Variants in RBFOX1 observed in about 807,000 individuals in gnomAD.
RBFOX1 encodes RNA binding fox-1 homolog 1.
In RBFOX1, 8 loss-of-function variants were observed where a neutral mutation model predicts 57.7. That is an observed-to-expected ratio of 0.14 (90% confidence interval 0.08 to 0.25). RBFOX1 has a LOEUF of 0.25. Among genes scored for constraint, RBFOX1 ranks in the 10% least tolerant of loss-of-function variants. The pLI, the probability that RBFOX1 is intolerant of heterozygous loss-of-function variation, is 1.00. For synonymous variants in RBFOX1, 326 were observed against 222.4 expected (o/e 1.47, Z -4.15); for missense variants, 611 against 548.5 (o/e 1.11, Z -1.14).
intron 3 of RBFOX1, among the ~76,000 whole-genome samples, chr16:6,809,039 G>C (rs115718054): frequency 0.013 from 2,028 of 152,230 alleles, 52 homozygotes; most frequent in African/African-American, 0.046. Context: ...TGTAACAATA[G>C]TTGAGTCTTG....
chr16:5,372,559 C>T (rs1050798326), intron 1 of RBFOX1, among the ~76,000 whole-genome samples: 7 of 152,146 alleles, frequency 4.6e-5, no homozygotes, highest in East Asian at 3.9e-4. Flanking sequence ...CTGCTGGGAA[C>T]GGGGGTGGTT....
chr16:6,015,598 G>C (rs948587694), upstream of RBFOX1, among the ~76,000 whole-genome samples: 1 of 152,122 alleles, frequency 6.6e-6, no homozygotes, highest in Admixed American at 6.6e-5. Flanking sequence ...ACTTCAACAG[G>C]ACTCTATTTA....
intron 4 of RBFOX1, chr16:7,510,153 T>G: frequency 1.0e-6 from 1 of 985,804 alleles, no homozygotes; most frequent in Non-Finnish European, 1.2e-6. Flanking sequence ...CCAGGCGGCC[T>G]CAGCCCCCCA....
intron 4 of RBFOX1, among the ~76,000 whole-genome samples, chr16:6,004,735 A>C (rs1324259997): frequency 2.0e-5 from 3 of 152,188 alleles, no homozygotes; most frequent in Non-Finnish European, 4.4e-5. Context: ...ACTCGGCCCT[A>C]AGATTGTTCT....
chr16:6,065,219 G>C (rs2095745300), intron 1 of RBFOX1, among the ~76,000 whole-genome samples: 1 of 141,590 alleles, frequency 7.1e-6, no homozygotes, highest in Non-Finnish European at 1.5e-5. Context: ...TTTTTCTGTA[G>C]AGACAGGATC....
At chr16:6,877,408 C>T (rs1466942639) in intron 3 of RBFOX1, among the ~76,000 whole-genome samples, 1 of 152,094 alleles carries the variant, frequency 6.6e-6, no homozygotes, top group African/African-American at 2.4e-5. Context: ...CCAATATGGA[C>T]TGCATTATTA....
At chr16:6,284,931 C>T (rs886650349) in intron 1 of RBFOX1, among the ~76,000 whole-genome samples, 1 of 152,094 alleles carries the variant, frequency 6.6e-6, no homozygotes, top group Non-Finnish European at 1.5e-5. Flanking sequence ...AAATGGCTGG[C>T]ATGTTTCTTA....
At chr16:5,522,403 A>G (rs28418637) in intron 2 of RBFOX1, among the ~76,000 whole-genome samples, 39,678 of 152,166 alleles carry the variant, frequency 0.26, 6,726 homozygotes, top group East Asian at 0.86. Context: ...AGGAAGCCAC[A>G]TTTTTTAACT....
intron 1 of RBFOX1, among the ~76,000 whole-genome samples, chr16:6,245,302 C>T (rs780796986): frequency 6.6e-6 from 1 of 152,076 alleles, no homozygotes; most frequent in Non-Finnish European, 1.5e-5. Context: ...TTAATGAAAT[C>T]TGGCCCTGAA....
At chr16:5,681,776 C>G (rs545624206) in intron 3 of RBFOX1, among the ~76,000 whole-genome samples, 41 of 152,158 alleles carry the variant, frequency 2.7e-4, no homozygotes, top group Non-Finnish European at 4.6e-4. Flanking sequence ...TTTTTAACAA[C>G]ATGTGCAAAG....
At chr16:5,772,811 A>G (rs1029208479) in intron 3 of RBFOX1, among the ~76,000 whole-genome samples, 3 of 152,188 alleles carry the variant, frequency 2.0e-5, no homozygotes, top group Middle Eastern at 6.3e-3. Context: ...GTGGAAAGGA[A>G]TGAATAGTGG....
At position 5,947,455 on chromosome 16, in the gene RBFOX1, A is replaced by T. The variant is rs72770939; in HGVS notation, c.351+80120A>T. ...TGATCATGGCTCACTACAGCCTCGA[A>T]ATCTTGTGCTCAAGCCATTTTCCTG... On this transcript the variant is annotated intron_variant, in intron 4 of 19. Transcript: ENST00000641259. This position sits in a 1 kb window ranked among gnomAD's most constrained non-coding sequence, Gnocchi z 7.2. Among the ~76,000 whole-genome samples, 1,631 of 152,218 alleles carry T rather than the reference A, an allele frequency of 0.011. 15 individuals are homozygous for T. Among genetic ancestry groups the T allele is most frequent in the Non-Finnish European group, 0.017 (1,129 of 68,006 alleles).
At chr16:6,543,060 C>T (rs551671632) in intron 2 of RBFOX1, among the ~76,000 whole-genome samples, 1 of 152,282 alleles carries the variant, frequency 6.6e-6, no homozygotes, top group East Asian at 1.9e-4. Context: ...ACATCCAAGC[C>T]AATTTTGATC....
intron 4 of RBFOX1, among the ~76,000 whole-genome samples, chr16:5,880,649 C>G (rs1184497986): frequency 1.3e-5 from 2 of 152,132 alleles, no homozygotes; most frequent in Non-Finnish European, 2.9e-5. Context: ...GAATGAGTCT[C>G]TGTGTGTGTA....
At chr16:7,502,133 C>T (rs946402733) in intron 4 of RBFOX1, among the ~76,000 whole-genome samples, 4 of 151,904 alleles carry the variant, frequency 2.6e-5, no homozygotes, top group African/African-American at 9.7e-5. Flanking sequence ...GAGGCTAAAA[C>T]TTATGCAACA....
intron 3 of RBFOX1, among the ~76,000 whole-genome samples, chr16:6,842,487 A>G (rs2141534476): frequency 6.6e-6 from 1 of 152,216 alleles, no homozygotes; most frequent in East Asian, 1.9e-4. Context: ...TTTGTTTAGA[A>G]AAACCAAATT....
At chr16:5,240,728 C>T (rs1487227703) in intron 1 of RBFOX1, among the ~76,000 whole-genome samples, 2 of 152,200 alleles carry the variant, frequency 1.3e-5, no homozygotes, top group African/African-American at 2.4e-5. Context: ...TCCCTCGGGG[C>T]GCTGTCCCTG....
At chr16:7,363,160 G>A (rs1409151836) in intron 4 of RBFOX1, among the ~76,000 whole-genome samples, 1 of 152,136 alleles carries the variant, frequency 6.6e-6, no homozygotes, top group Non-Finnish European at 1.5e-5. Context: ...CATTATGAGA[G>A]GCTTTGGGAG....
At chr16:5,811,745 G>C (rs1050157291) in intron 3 of RBFOX1, among the ~76,000 whole-genome samples, 1 of 152,170 alleles carries the variant, frequency 6.6e-6, no homozygotes, top group Non-Finnish European at 1.5e-5. Context: ...CACCACACTA[G>C]GCCAGGACAA....
Sources: gnomAD v4.1 joint callset for allele counts (sites outside exome capture counted in the v4.1 genomes callset) on GRCh38, gnomAD v4.1.1 for gene constraint, Gnocchi (gnomAD v3.1) non-coding constraint, MANE v1.5 for transcripts, NCBI Gene and HGNC (gene_info 2026-07-23, HGNC 2026-07-21) for gene names.